CLEC3A: variants seen among roughly 807,000 people sequenced by gnomAD.
CLEC3A encodes the protein C-type (calcium dependent, carbohydrate-recognition domain) lectin, superfamily member 1 (cartilage-derived).
CLEC3A carries 28 observed loss-of-function variants against 20.4 expected under a neutral mutation model. That is an observed-to-expected ratio of 1.37 (90% CI 1.02 to 1.88). CLEC3A has a LOEUF of 1.88. Among genes scored for constraint, CLEC3A ranks in the 40% most tolerant of loss-of-function variants. The probability of loss-of-function intolerance (pLI) is 0.00; values close to 1 mark genes in which losing one functional copy is unlikely to be tolerated. For synonymous variants in CLEC3A, 110 were observed against 88.1 expected (o/e 1.25, Z -1.39); for missense variants, 357 against 240.4 (o/e 1.48, Z -3.21).
chr16:78,031,370 C>A lies in CLEC3A; in HGVS notation c.*529C>A, dbSNP rs1394831264. The A allele has an allele frequency of 1.3e-5, 2 of 152,394 alleles. No homozygotes were observed. The highest frequency in any genetic ancestry group is 1.9e-4 in the East Asian group (1 of 5,194). The allele number at this position is 152,394 out of a possible 1,614,324, so 9.4% of individuals were successfully genotyped here. A position where few individuals can be genotyped will look rare whatever the true frequency, so the allele number is the denominator to read the frequency against. On this transcript the variant is annotated 3_prime_UTR_variant, in exon 3 of 3. Coordinates refer to ENST00000299642, the MANE Select transcript of CLEC3A (RefSeq NM_005752.6). ...CCCTTATTTTGAATTGCTCCATCTC[C>A]TGGTGGGACTTGTATCTTGTCTGCC...
intron 2 of CLEC3A, among the ~76,000 whole-genome samples, chr16:78,029,692 A>T (rs1486374065): frequency 6.6e-6 from 1 of 152,002 alleles, no homozygotes; most frequent in African/African-American, 2.4e-5. Flanking sequence ...AAATATTTTT[A>T]AAAATAAATA....
rs564364811 is a variant in CLEC3A at position 78,032,100 on chromosome 16, T to C, written c.*1259T>C. ...ATAATAAAGCCTGAATTCTGATCAA[T>C]AGAAAATGTGTTCGAGTGTTAATTA... On this transcript the variant is annotated 3_prime_UTR_variant, in exon 3 of 3. Coordinates refer to ENST00000299642, the MANE Select transcript of CLEC3A (RefSeq NM_005752.6). 6 of 152,736 alleles carry C rather than the reference T, an allele frequency of 3.9e-5. No homozygotes were observed. The highest frequency in any genetic ancestry group is 2.1e-4 in the South Asian group (1 of 4,834). 9.5% of individuals were successfully genotyped at this position (152,736 alleles called of 1,614,324 possible).
At chr16:78,030,329 G>T in intron 2 of CLEC3A, 118 bp from the exon 3 acceptor site, 3 of 923,738 alleles carry the variant, frequency 3.2e-6, no homozygotes, top group East Asian at 2.4e-5. Flanking sequence ...AATTTTAACT[G>T]TTGTCTCATC....
intron 2 of CLEC3A, 114 bp downstream of exon 2, chr16:78,028,304 A>G: frequency 7.4e-6 from 5 of 674,518 alleles, no homozygotes; most frequent in South Asian, 4.5e-5. Context: ...AATGTGGCCA[A>G]TAAGAGGGCC....
intron 1 of CLEC3A, 78 bp downstream of exon 1, chr16:78,022,819 C>G: frequency 1.3e-6 from 2 of 1,486,488 alleles, no homozygotes; most frequent in Non-Finnish European, 1.8e-6. Flanking sequence ...AATTTTCAAA[C>G]TCCTCCAGGA....
intron 1 of CLEC3A, among the ~76,000 whole-genome samples, chr16:78,023,275 C>T: frequency 6.6e-6 from 1 of 152,078 alleles, no homozygotes; most frequent in East Asian, 1.9e-4. Flanking sequence ...TAAGGACAAC[C>T]TATACCATAT....
intron 1 of CLEC3A, 31 bp downstream of exon 1, chr16:78,022,772 T>C (rs527447698): frequency 3.4e-5 from 55 of 1,609,458 alleles, no homozygotes; most frequent in Non-Finnish European, 4.5e-5. Flanking sequence ...AGCAAAATTC[T>C]AGGCTTAGAC....
intron 2 of CLEC3A, 87 bp downstream of exon 2, chr16:78,028,277 A>C (rs1334649957): frequency 2.2e-6 from 2 of 916,134 alleles, no homozygotes; most frequent in Non-Finnish European, 3.2e-6. Context: ...TTTTAAAAGA[A>C]ACATTGACAA....
chr16:78,023,701 A>T (rs551429869), intron 1 of CLEC3A, among the ~76,000 whole-genome samples: 1 of 152,124 alleles, frequency 6.6e-6, no homozygotes, highest in East Asian at 1.9e-4. Flanking sequence ...AAGGATTATA[A>T]AGTACCATTT....
rs1040520289 is a variant in CLEC3A at position 78,024,788 on chromosome 16, C to A, written c.115+2047C>A. Among the ~76,000 whole-genome samples the A allele has an allele frequency of 2.0e-5, 3 of 152,158 alleles. No individual in the cohort carries two copies. The East Asian group carries it at 5.8e-4, about 29-fold the overall frequency. ...CACAAAATTATCCACTATTAACTAT[C>A]AGGTAATACTATTCCCAGAAGTTTT... On this transcript the variant is annotated intron_variant, in intron 1 of 2. Transcript: ENST00000299642.
At chr16:78,027,368 C>T (rs2142591056) in intron 1 of CLEC3A, among the ~76,000 whole-genome samples, 1 of 152,288 alleles carries the variant, frequency 6.6e-6, no homozygotes, top group Non-Finnish European at 1.5e-5. Flanking sequence ...AAAGCCTTCT[C>T]AGAAGAGGAG....
Position 78,023,761 on chromosome 16 carries a change from T to C in CLEC3A, c.115+1020T>C, listed in dbSNP as rs560295413. On this transcript the variant is annotated intron_variant, in intron 1 of 2. Coordinates refer to ENST00000299642, the MANE Select transcript of CLEC3A (RefSeq NM_005752.6). ...TTTAGGTCTGGTGCAAGGTTTCTTT[T>C]TTTTTTTTTTTTCTGAGACAGAGTC... 9.3e-5 allele frequency among the ~76,000 whole-genome samples: 14 copies of C among 151,224 alleles called. 1 individual carries two copies. Among genetic ancestry groups the C allele is most frequent in the Admixed American group, 6.6e-5 (1 of 15,192 alleles).
At chr16:78,027,212 ATAAAG>A (rs1280849796) in intron 1 of CLEC3A, among the ~76,000 whole-genome samples, 2 of 152,250 alleles carry the variant, frequency 1.3e-5, no homozygotes, top group African/African-American at 4.8e-5. Flanking sequence ...GACAGATGAA[ATAAAG>A]TAAAATAGAG....
rs34965335 is a variant in CLEC3A, at chr16:78,025,139, A to T, written c.115+2398A>T. On this transcript the variant is annotated intron_variant, in intron 1 of 2. Transcript: ENST00000299642. ...CCAGAGTTTTTAAAATGCACAATTAAAATACATATTTTTAACAAAATAAGA... is the reference window on the plus strand; with the variant it reads ...CCAGAGTTTTTAAAATGCACAATTATAATACATATTTTTAACAAAATAAGA... Among the ~76,000 whole-genome samples the T allele has an allele frequency of 1.5e-3, 228 of 152,352 alleles. 1 individual carries two copies. Among genetic ancestry groups the T allele is most frequent in the Non-Finnish European group, 2.8e-3 (192 of 68,036 alleles).
In CLEC3A at chr16:78,030,451, T is replaced by A; in HGVS notation, c.204T>A (p.Cys68Ter). 1 of 1,601,774 alleles carries A rather than the reference T, an allele frequency of 6.2e-7. No individual in the cohort carries two copies. Residue 68 changes from cysteine (C) to a stop codon, truncating the protein, a stop_gained, in exon 3 of 3, where the codon TGT becomes TGA. Coordinates refer to ENST00000299642, the MANE Select transcript of CLEC3A (RefSeq NM_005752.6). LOFTEE classifies it high-confidence loss of function. ...TTACACTTCACATCTTCACAGTCTG[T>A]CTCCGAGGCACTAAAGTTCACAAGA... ...LKEIQALQTV[C>*]LRGTKVHKKC...
At position 78,022,588 on chromosome 16, in the gene CLEC3A, G is replaced by C; in HGVS notation, c.-39G>C. 2 of 1,610,140 alleles carry C rather than the reference G, an allele frequency of 1.2e-6. No homozygotes were observed. On this transcript the variant is annotated 5_prime_UTR_variant, in exon 1 of 3. Coordinates refer to ENST00000299642, the MANE Select transcript of CLEC3A (RefSeq NM_005752.6). ...AGTCTCCTTCCATAGCTGCTCTAAG[G>C]GGGCTGGCAACATGGCTCAGCAGGC...
chr16:78,031,191 G>A lies in CLEC3A; in HGVS notation c.*350G>A, dbSNP rs2030093644. On this transcript the variant is annotated 3_prime_UTR_variant, in exon 3 of 3. Transcript: ENST00000299642. ...TCATCACTCTAGAAAAGCAAGCTTA[G>A]GCTACCTGAAAGATTTTCCCTTGGA... 5.5e-6 allele frequency: 1 copy of A among 183,452 alleles called. No homozygotes were observed. The highest frequency in any genetic ancestry group is 1.5e-4 in the South Asian group (1 of 6,524). The allele number at this position is 183,452 out of a possible 1,614,324, so 11.4% of individuals were successfully genotyped here. A position where few individuals can be genotyped will look rare whatever the true frequency, so the allele number is the denominator to read the frequency against.
intron 1 of CLEC3A, among the ~76,000 whole-genome samples, chr16:78,025,489 G>A (rs530195657): frequency 1.4e-4 from 22 of 152,156 alleles, no homozygotes; most frequent in Admixed American, 1.2e-3. Context: ...GTGTATGGGA[G>A]TGCCCATTCC....
At chr16:78,029,575 G>C (rs1597153592) in intron 2 of CLEC3A, among the ~76,000 whole-genome samples, 1 of 151,950 alleles carries the variant, frequency 6.6e-6, no homozygotes, top group Non-Finnish European at 1.5e-5. Flanking sequence ...TCACTATGTT[G>C]GCCAGACTGG....
Sources: allele counts gnomAD v4.1 joint callset (sites outside exome capture counted in the v4.1 genomes callset), GRCh38; gene constraint gnomAD v4.1.1; transcripts MANE v1.5; gene names NCBI Gene and HGNC (gene_info 2026-07-23, HGNC 2026-07-21).